The following HCLS1 variants were observed in gnomAD, a reference collection of about 807,000 sequenced individuals.
The protein encoded by HCLS1 is hematopoietic cell-specific Lyn substrate 1.
In HCLS1, 44 loss-of-function variants were observed where a neutral mutation model predicts 68.6. That is an observed-to-expected ratio of 0.64 (90% CI 0.50 to 0.82). The LOEUF (loss-of-function observed/expected upper bound fraction) is 0.82. HCLS1 is among the 40% of genes least tolerant of loss of function. The pLI is 0.00. For missense variants in HCLS1, 602 were observed against 612.1 expected, an observed-to-expected ratio of 0.98 and a Z score of 0.17; for synonymous variants, 217 against 225.8, an observed-to-expected ratio of 0.96 and a Z score of 0.35.
intron 6 of HCLS1, among the ~76,000 whole-genome samples, chr3:121,642,077 C>CG (rs2049206142): frequency 1.1e-5 from 1 of 90,176 alleles, no homozygotes; most frequent in Non-Finnish European, 2.2e-5. Flanking sequence ...CAGACTCCGT[C>CG]GCAAAAAAAA....
chr3:121,657,314 C>G lies in HCLS1; in HGVS notation c.123G>C (p.Lys41Asn). 1 of 1,614,100 alleles carries G rather than the reference C, an allele frequency of 6.2e-7. No individual in the cohort carries two copies. Among genetic ancestry groups the G allele is most frequent in the Non-Finnish European group, 8.5e-7 (1 of 1,179,988 alleles). Residue 41 changes from lysine to asparagine, a missense_variant, in exon 3 of 14, where the codon AAG (lysine) becomes AAC (asparagine). By Grantham distance (94) the Lys-to-Asn change is moderately conservative. Transcript: ENST00000314583. ...CTGTGCGTCCAGACCCCTCGATGGT[C>G]TTGGCTCCCCATCGTTGCTCCTTTT... is the stretch of plus-strand genomic sequence containing the variant. Reference protein sequence around the residue: ...ISEKEQRWGAKTIEGSGRTEH... With the variant: ...ISEKEQRWGANTIEGSGRTEH...
chr3:121,636,126 G>A (rs2049149476), intron 8 of HCLS1, among the ~76,000 whole-genome samples: 1 of 152,116 alleles, frequency 6.6e-6, no homozygotes. Flanking sequence ...CATGGGGTGG[G>A]AAGAGACTTA....
chr3:121,635,648 TA>T, intron 9 of HCLS1, 86 bp downstream of exon 9: 1 of 1,037,090 alleles, frequency 9.6e-7, no homozygotes, highest in Non-Finnish European at 1.5e-6. Context: ...TCTAGGTAGT[TA>T]AAGGCATGGA....
At chr3:121,655,219 T>C (rs1937834209) in intron 3 of HCLS1, among the ~76,000 whole-genome samples, 1 of 152,124 alleles carries the variant, frequency 6.6e-6, no homozygotes, top group Non-Finnish European at 1.5e-5. Flanking sequence ...AATCCAACAG[T>C]CCAGGTAGAC....
chr3:121,633,728 T>C (rs772686654), intron 10 of HCLS1, among the ~76,000 whole-genome samples: 1 of 152,126 alleles, frequency 6.6e-6, no homozygotes, highest in Non-Finnish European at 1.5e-5. Context: ...TTTATAGCGA[T>C]AGGTTCTTAC....
intron 6 of HCLS1, among the ~76,000 whole-genome samples, chr3:121,641,011 G>T (rs1005810477): frequency 1.3e-5 from 2 of 152,108 alleles, no homozygotes; most frequent in African/African-American, 4.8e-5. Context: ...CCAGAATGCG[G>T]CACAAGGACA....
intron 5 of HCLS1, chr3:121,644,463 C>T (rs2049227241): frequency 8.4e-6 from 3 of 357,432 alleles, no homozygotes; most frequent in African/African-American, 6.3e-5. Context: ...TCCTAAACGG[C>T]ATGAGTATTT....
rs771650999 is a variant in HCLS1 at position 121,637,151 on chromosome 3, T to C, written c.560A>G (p.Gln187Arg). The change falls in exon 7 of 14, where the codon CAG (glutamine) becomes CGG (arginine). Residue 187 changes from glutamine (Q) to arginine (R), a missense_variant. Physicochemically the swap from Gln to Arg is conservative, Grantham distance 43. Transcript: ENST00000314583. ...YKGETEKHES[Q>R]RDYAKGFGGQ... is the part of the protein sequence containing the mutation. ...CCCTTCCAACCCCAACTCACCTCTC[T>C]GGGACTCGTGTTTCTCCGTCTCTCC... The C allele has an allele frequency of 1.6e-5, 26 of 1,608,876 alleles. No homozygotes were observed. Among genetic ancestry groups the C allele is most frequent in the Non-Finnish European group, 2.1e-5 (25 of 1,175,282 alleles).
chr3:121,649,020 T>C (rs1007471829), intron 3 of HCLS1, among the ~76,000 whole-genome samples: 1 of 152,220 alleles, frequency 6.6e-6, no homozygotes, highest in Non-Finnish European at 1.5e-5. Context: ...AATTTTTTAA[T>C]GAATATAATA....
chr3:121,650,835 C>T (rs1005796994), intron 3 of HCLS1, among the ~76,000 whole-genome samples: 8 of 151,984 alleles, frequency 5.3e-5, no homozygotes, highest in African/African-American at 1.5e-4. Flanking sequence ...TAAAAAGATG[C>T]CATTAATAAA....
At chr3:121,658,153 C>T in intron 2 of HCLS1, 111 bp downstream of exon 2, 1 of 793,392 alleles carries the variant, frequency 1.3e-6, no homozygotes, top group Non-Finnish European at 2.2e-6. Flanking sequence ...TGAGGGCTGT[C>T]TCAGTCCTAG....
At chr3:121,654,087 C>T (rs1028920522) in intron 3 of HCLS1, 3 of 152,246 alleles carry the variant, frequency 2.0e-5, no homozygotes, top group African/African-American at 7.2e-5. Flanking sequence ...TTGACCTGCT[C>T]CATTTCTGAC....
In HCLS1 at chr3:121,647,460, C is replaced by T; in HGVS notation, c.159-12G>A. On this transcript the variant is annotated splice_polypyrimidine_tract_variant and intron_variant, in intron 3 of 13. Coordinates refer to ENST00000314583, the MANE Select transcript of HCLS1 (RefSeq NM_005335.6). Reference sequence around the variant, plus strand: ...TCAGCTGGTGGATGCTGGAAGAAACCACATGACCAAGGCTCATCTATCCTA... The same window carrying T: ...TCAGCTGGTGGATGCTGGAAGAAACTACATGACCAAGGCTCATCTATCCTA... 6.2e-7 allele frequency: 1 copy of T among 1,613,864 alleles called. No homozygotes were observed. Among genetic ancestry groups the T allele is most frequent in the Non-Finnish European group, 8.5e-7 (1 of 1,179,922 alleles).
chr3:121,636,419 GT>G lies in HCLS1; in HGVS notation c.621+14del. 2 of 1,603,120 alleles carry G rather than the reference GT, an allele frequency of 1.2e-6. No individual in the cohort carries two copies. Among genetic ancestry groups the G allele is most frequent in the Non-Finnish European group, 1.7e-6 (2 of 1,169,896 alleles). On this transcript the variant is annotated intron_variant, in intron 8 of 13. Coordinates refer to ENST00000314583, the MANE Select transcript of HCLS1 (RefSeq NM_005335.6). ...AGGGAACTCTTCTTAAGACATTGGT[GT>G]TCCGGTGCTTTACCTTATCCACTCG...
intron 1 of HCLS1, among the ~76,000 whole-genome samples, chr3:121,660,489 C>T (rs367573404): frequency 2.6e-5 from 4 of 152,132 alleles, no homozygotes; most frequent in African/African-American, 9.7e-5. Context: ...ACACTGTTTT[C>T]GTCTCCTGTG....
In HCLS1 at chr3:121,642,932, T is replaced by C. The variant is rs1356461022; in HGVS notation, c.449A>G (p.Gln150Arg). The C allele has an allele frequency of 6.2e-7, 1 of 1,609,684 alleles. No individual in the cohort carries two copies. The highest frequency in any genetic ancestry group is 1.1e-5 in the South Asian group (1 of 90,972). The change falls in exon 6 of 14, where the codon CAG becomes CGG. Residue 150 changes from glutamine (Q) to arginine (R), a missense_variant. Physicochemically the swap from Gln to Arg is conservative, Grantham distance 43 (BLOSUM62 1). Transcript: ENST00000314583. ...YKGEVEKHTS[Q>R]KDYSRGFGGR... ...GTGAAGTACAGTGTCCTTGCCTTTC[T>C]GAGATGTGTGCTTCTCCACTTCTCC...
intron 2 of HCLS1, 144 bp downstream of exon 2, chr3:121,658,120 T>C (rs1467055130): frequency 1.5e-6 from 1 of 669,082 alleles, no homozygotes; most frequent in African/African-American, 1.8e-5. Flanking sequence ...GACAGCCAAT[T>C]GTCCTACCAA....
Position 121,631,973 on chromosome 3 carries a change from T to C in HCLS1, c.1334A>G (p.Asp445Gly). Residue 445 changes from aspartate to glycine, a missense_variant, in exon 14 of 14, where the codon GAT becomes GGT. Coordinates refer to ENST00000314583, the MANE Select transcript of HCLS1 (RefSeq NM_005335.6). The stretch of plus-strand genomic sequence containing the variant: ...GTCGTCCGGATCAAAGGAAAGCTCA[T>C]CACTTCCCTCTGGGGAGAAAGTTGA... ...AVYDYQGEGSDELSFDPDDVI... is the reference protein window; with the variant it reads ...AVYDYQGEGSGELSFDPDDVI... 1 of 1,614,202 alleles carries C rather than the reference T, an allele frequency of 6.2e-7. No individual in the cohort carries two copies. The highest frequency in any genetic ancestry group is 8.5e-7 in the Non-Finnish European group (1 of 1,180,038).
At chr3:121,637,692 T>A (rs2049162873) in intron 6 of HCLS1, among the ~76,000 whole-genome samples, 1 of 152,024 alleles carries the variant, frequency 6.6e-6, no homozygotes, top group Admixed American at 6.6e-5. Flanking sequence ...TCCCAGCACT[T>A]CAGGGGCCGA....
Sources: gnomAD v4.1 joint callset for allele counts (sites outside exome capture counted in the v4.1 genomes callset) on GRCh38, gnomAD v4.1.1 for gene constraint, MANE v1.5 for transcripts, NCBI Gene and HGNC (gene_info 2026-07-23, HGNC 2026-07-21) for gene names.